WDR27: variants seen among roughly 807,000 people sequenced by gnomAD.
WDR27 encodes the protein WD repeat domain 27.
In WDR27, 100 loss-of-function variants were observed where a neutral mutation model predicts 114.4. The ratio of observed to expected loss-of-function variants is 0.87; its 90% confidence interval spans 0.74 to 1.03. WDR27 has a LOEUF of 1.03. Ranked by LOEUF, WDR27 falls within the 50% of genes least tolerant of loss-of-function variation. WDR27 has a pLI of 0.00. For missense variants in WDR27, 1,129 were observed against 1,092.9 expected, an observed-to-expected ratio of 1.03 and a Z score of -0.47; for synonymous variants, 449 against 423.1, an observed-to-expected ratio of 1.06 and a Z score of -0.75.
intron 25 of WDR27, among the ~76,000 whole-genome samples, chr6:169,527,165 A>G (rs1344667247): frequency 6.6e-6 from 1 of 151,862 alleles, no homozygotes; most frequent in African/African-American, 2.4e-5. Context: ...AATTGAAAAG[A>G]TATGTTAACA....
At chr6:169,563,286 T>C (rs575290560) in intron 25 of WDR27, among the ~76,000 whole-genome samples, 2 of 151,938 alleles carry the variant, frequency 1.3e-5, no homozygotes, top group Admixed American at 6.6e-5. Flanking sequence ...ACAGAAGAAA[T>C]GGAGTCGGTG....
intron 25 of WDR27, among the ~76,000 whole-genome samples, chr6:169,468,770 C>T (rs60650935): frequency 0.031 from 4,645 of 152,228 alleles, 214 homozygotes; most frequent in African/African-American, 0.1. Context: ...AACAAAATAA[C>T]ATAGATGGGG....
At chr6:169,639,398 A>G (rs1818595488) in intron 17 of WDR27, among the ~76,000 whole-genome samples, 1 of 152,204 alleles carries the variant, frequency 6.6e-6, no homozygotes. Context: ...ATTATGAACT[A>G]CAGTATAGAA....
At chr6:169,652,882 C>A (rs113338169) in intron 13 of WDR27, among the ~76,000 whole-genome samples, 31 of 152,272 alleles carry the variant, frequency 2.0e-4, no homozygotes, top group Admixed American at 1.5e-3. Flanking sequence ...TAGTCTGAAA[C>A]GAGATGACCC....
At chr6:169,600,670 C>T (rs919326776) in intron 23 of WDR27, among the ~76,000 whole-genome samples, 5 of 152,166 alleles carry the variant, frequency 3.3e-5, no homozygotes, top group African/African-American at 4.8e-5. Context: ...GACGAATGCA[C>T]AAGCCTCAGT....
chr6:169,599,145 C>A (rs534590293), intron 23 of WDR27, among the ~76,000 whole-genome samples: 8 of 150,532 alleles, frequency 5.3e-5, no homozygotes, highest in African/African-American at 2.0e-4. Flanking sequence ...CCCCTCCCCC[C>A]ACACCACAAC....
chr6:169,464,681 G>C (rs1317660848), intron 25 of WDR27, among the ~76,000 whole-genome samples: 1 of 152,182 alleles, frequency 6.6e-6, no homozygotes, highest in Non-Finnish European at 1.5e-5. Context: ...TCTAACAAGG[G>C]ATGTCTGACA....
In WDR27 at chr6:169,685,097, G is replaced by A. The variant is rs755310592; in HGVS notation, c.189+3720C>T. Among the ~76,000 whole-genome samples the A allele has an allele frequency of 3.7e-4, 57 of 152,004 alleles. 1 individual carries two copies. Among genetic ancestry groups the A allele is most frequent in the Non-Finnish European group, 1.2e-4 (8 of 68,006 alleles). On this transcript the variant is annotated intron_variant, in intron 2 of 25. Coordinates refer to ENST00000448612, the MANE Select transcript of WDR27 (RefSeq NM_182552.5). ...ACAGAAGAAACCACACAGATACTACGCTACTACATCCACCTAGAATCAAGA... is the reference window on the plus strand; with the variant it reads ...ACAGAAGAAACCACACAGATACTACACTACTACATCCACCTAGAATCAAGA...
chr6:169,650,456 CCCT>C (rs1377516460), intron 14 of WDR27, among the ~76,000 whole-genome samples: 5 of 150,426 alleles, frequency 3.3e-5, no homozygotes, highest in East Asian at 4.0e-4. Context: ...TCCCTCTTTC[CCCT>C]CATCTATCCA....
At chr6:169,612,253 A>G (rs552360966) in intron 22 of WDR27, among the ~76,000 whole-genome samples, 3 of 150,982 alleles carry the variant, frequency 2.0e-5, no homozygotes, top group South Asian at 4.2e-4. Context: ...CCCCATCTCT[A>G]CTAAAAATAT....
Position 169,511,551 on chromosome 6 carries a change from GT to G in WDR27, c.2646-53918del, listed in dbSNP as rs1277425836. Among the ~76,000 whole-genome samples the G allele has an allele frequency of 7.2e-5, 11 of 151,944 alleles. No homozygotes were observed. In the East Asian group the frequency reaches 1.7e-3, roughly 24 times the overall value. On this transcript the variant is annotated intron_variant, in intron 25 of 25. Transcript: ENST00000448612. ...CTGTATTATAAGAAAATTACACTCAGTTTTTATTAGTATATTTTCAATGTTG... is the reference window on the plus strand; with the variant it reads ...CTGTATTATAAGAAAATTACACTCAGTTTTATTAGTATATTTTCAATGTTG...
At chr6:169,541,829 T>C (rs560514324) in intron 25 of WDR27, among the ~76,000 whole-genome samples, 1 of 152,306 alleles carries the variant, frequency 6.6e-6, no homozygotes, top group Admixed American at 6.5e-5. Flanking sequence ...TAATAAATAA[T>C]GATGATAAAT....
In WDR27 at chr6:169,662,307, C is replaced by A; in HGVS notation, c.1022G>T (p.Gly341Val). 4.3e-6 allele frequency: 7 copies of A among 1,613,422 alleles called. No individual in the cohort carries two copies. Among genetic ancestry groups the A allele is most frequent in the South Asian group, 1.1e-5 (1 of 91,048 alleles). Residue 341 changes from glycine to valine, a missense_variant, in exon 9 of 26, where the codon GGA becomes GTA. Gly to Val is a moderately radical substitution (Grantham distance 109). Coordinates refer to ENST00000448612, the MANE Select transcript of WDR27 (RefSeq NM_182552.5). Reference protein sequence around the residue: ...DLSLIPNSACGCLSSENTRCV... With the variant: ...DLSLIPNSACVCLSSENTRCV... ...AGGCAAAGTTTTTGATACTTACCAT[C>A]CACATGCAGAATTTGGGATGAGTGA...
At position 169,626,117 on chromosome 6, in the gene WDR27, C is replaced by T. The variant is rs1204858909; in HGVS notation, c.2223+6830G>A. 2.0e-5 allele frequency among the ~76,000 whole-genome samples: 3 copies of T among 152,178 alleles called. No homozygotes were observed. The East Asian group carries it at 5.8e-4, about 29-fold the overall frequency. ...GAATTGACAGTGAAGATTAAAATAA[C>T]CCGAATGGGGTTCTGAAGGCACAGG... On this transcript the variant is annotated intron_variant, in intron 21 of 25. Coordinates refer to ENST00000448612, the MANE Select transcript of WDR27 (RefSeq NM_182552.5).
At chr6:169,476,119 T>A (rs944858076) in intron 25 of WDR27, among the ~76,000 whole-genome samples, 1 of 151,954 alleles carries the variant, frequency 6.6e-6, no homozygotes, top group African/African-American at 2.4e-5. Flanking sequence ...TGTAAAAGAG[T>A]CTTGGAACAT....
chr6:169,519,066 T>TCTGAG (rs1172559962), intron 25 of WDR27, among the ~76,000 whole-genome samples: 2 of 152,236 alleles, frequency 1.3e-5, no homozygotes, highest in African/African-American at 4.8e-5. Context: ...CAGTTCTCCA[T>TCTGAG]AAGTTCCTCA....
chr6:169,674,871 A>G (rs7754670), intron 2 of WDR27, among the ~76,000 whole-genome samples: 15,944 of 152,054 alleles, frequency 0.1, 897 homozygotes, highest in African/African-American at 0.12. Flanking sequence ...GTTTTATAGG[A>G]TTTGGGTAGG....
chr6:169,446,837 T>C, the WDR27 span, among the ~76,000 whole-genome samples: 1 of 152,202 alleles, frequency 6.6e-6, no homozygotes, highest in African/African-American at 2.4e-5. Flanking sequence ...AATAGCATTC[T>C]TGTATTGAGA....
intron 1 of WDR27, among the ~76,000 whole-genome samples, chr6:169,698,579 T>C (rs1397428674): frequency 1.3e-5 from 2 of 152,248 alleles, no homozygotes; most frequent in African/African-American, 4.8e-5. Flanking sequence ...ATTTCTGTGG[T>C]CTGGCAGTTT....
Sources: allele counts gnomAD v4.1 joint callset (sites outside exome capture counted in the v4.1 genomes callset), GRCh38; gene constraint gnomAD v4.1.1; transcripts MANE v1.5; gene names NCBI Gene and HGNC (gene_info 2026-07-23, HGNC 2026-07-21).